Variants in DGKB observed in about 807,000 individuals in gnomAD.
The protein encoded by DGKB is 90 kDa diacylglycerol kinase.
A neutral mutation model predicts 114.3 loss-of-function variants in DGKB; 67 were observed. The observed-to-expected ratio is 0.59, with a 90% CI of 0.48 to 0.72. The LOEUF (loss-of-function observed/expected upper bound fraction) is 0.72. DGKB is among the 30% of genes least tolerant of loss of function. The probability of loss-of-function intolerance (pLI) is 0.00; values close to 1 mark genes in which losing one functional copy is unlikely to be tolerated. For synonymous variants in DGKB, 398 were observed against 323.1 expected (o/e 1.23, Z -2.49); for missense variants, 907 against 975.2 (o/e 0.93, Z 0.93).
At chr7:14,673,511 T>G (rs866412548) in intron 12 of DGKB, among the ~76,000 whole-genome samples, 33 of 151,812 alleles carry the variant, frequency 2.2e-4, no homozygotes, top group Non-Finnish European at 2.9e-4. Flanking sequence ...TAATTCAATA[T>G]GTAAATGTAA....
chr7:14,484,326 GT>G (rs1380059636), intron 20 of DGKB, among the ~76,000 whole-genome samples: 1 of 150,040 alleles, frequency 6.7e-6, no homozygotes, highest in Non-Finnish European at 1.5e-5. Context: ...TAGTGTAGAT[GT>G]TTTCCCCTCT....
At chr7:14,613,132 T>C (rs1805870118) in intron 16 of DGKB, among the ~76,000 whole-genome samples, 1 of 152,060 alleles carries the variant, frequency 6.6e-6, no homozygotes, top group Admixed American at 6.6e-5. Flanking sequence ...ACCTGAGCTA[T>C]AATAGTAAAA....
At chr7:14,782,608 C>T (rs1304279713) in intron 2 of DGKB, among the ~76,000 whole-genome samples, 1 of 151,864 alleles carries the variant, frequency 6.6e-6, no homozygotes, top group Admixed American at 6.6e-5. Context: ...AAATATTACA[C>T]CAATAATGAT....
At chr7:14,644,637 C>A (rs929287123) in intron 13 of DGKB, among the ~76,000 whole-genome samples, 6 of 151,898 alleles carry the variant, frequency 4.0e-5, no homozygotes, top group Admixed American at 1.3e-4. Flanking sequence ...TTTGAAGTAT[C>A]CTAGTCACAC....
intron 25 of DGKB, among the ~76,000 whole-genome samples, chr7:14,154,031 A>G (rs1782605050): frequency 6.6e-6 from 1 of 151,980 alleles, no homozygotes; most frequent in African/African-American, 2.4e-5. Context: ...TGAGCTAAGG[A>G]GACGAGTCAA....
intron 23 of DGKB, among the ~76,000 whole-genome samples, chr7:14,187,420 G>A (rs1020962830): frequency 6.6e-6 from 1 of 152,136 alleles, no homozygotes; most frequent in Non-Finnish European, 1.5e-5. Flanking sequence ...ACCATTGCAG[G>A]AATGCCTGGC....
chr7:14,824,453 G>A (rs1452745286), intron 2 of DGKB, among the ~76,000 whole-genome samples: 1 of 152,108 alleles, frequency 6.6e-6, no homozygotes, highest in African/African-American at 2.4e-5. Context: ...GACAGACTAA[G>A]CAAAAGAGAG....
rs74442643 is a variant in DGKB, at chr7:14,582,704, A to T, written c.1519+348T>A. Among the ~76,000 whole-genome samples the T allele has an allele frequency of 6.6e-3, 1,010 of 152,248 alleles. 16 individuals carry two copies. The highest frequency in any genetic ancestry group is 0.022 in the African/African-American group (894 of 41,566). ...GTCCATGTTTTAAAAACGTAAGCACATCAATTTCGCACAGACTTTATCACA... is the reference window on the plus strand; with the variant it reads ...GTCCATGTTTTAAAAACGTAAGCACTTCAATTTCGCACAGACTTTATCACA... On this transcript the variant is annotated intron_variant, in intron 18 of 25. Transcript: ENST00000402815.
intron 25 of DGKB, chr7:14,175,873 C>G (rs1016973275): frequency 6.6e-6 from 1 of 152,182 alleles, no homozygotes; most frequent in Non-Finnish European, 1.5e-5. Flanking sequence ...GGCACAATCT[C>G]AGCTCACTGC....
At chr7:14,759,984 C>A (rs1310528943) in intron 2 of DGKB, among the ~76,000 whole-genome samples, 1 of 152,150 alleles carries the variant, frequency 6.6e-6, no homozygotes, top group Admixed American at 6.6e-5. Context: ...CGACTCACAT[C>A]TGATTAGTCA....
intron 20 of DGKB, among the ~76,000 whole-genome samples, chr7:14,541,124 G>C (rs1236953209): frequency 2.0e-5 from 3 of 149,734 alleles, no homozygotes; most frequent in Non-Finnish European, 4.4e-5. Context: ...TTTTTTTCTA[G>C]ACACATTCAT....
chr7:14,843,764 G>A (rs943594065), intron 1 of DGKB, among the ~76,000 whole-genome samples: 1 of 152,208 alleles, frequency 6.6e-6, no homozygotes, highest in African/African-American at 2.4e-5. Context: ...CTTGCTGTCT[G>A]CCAGAAAGCT....
chr7:14,720,050 A>G (rs1280965395), intron 5 of DGKB, among the ~76,000 whole-genome samples: 1 of 152,108 alleles, frequency 6.6e-6, no homozygotes, highest in Non-Finnish European at 1.5e-5. Flanking sequence ...GCCAATCATA[A>G]AAGTGTAAGA....
At chr7:14,964,009 T>C (rs1023299768) in intron 1 of DGKB, among the ~76,000 whole-genome samples, 3 of 151,950 alleles carry the variant, frequency 2.0e-5, no homozygotes, top group Non-Finnish European at 4.4e-5. Flanking sequence ...TCAGAAAAAT[T>C]TGCAGTGGGA....
intron 23 of DGKB, among the ~76,000 whole-genome samples, chr7:14,334,916 A>G (rs1810400920): frequency 6.6e-6 from 1 of 152,214 alleles, no homozygotes; most frequent in South Asian, 2.1e-4. Context: ...TATATATAAT[A>G]CATTTATTTG....
chr7:14,640,300 T>A (rs1414174431), intron 13 of DGKB, among the ~76,000 whole-genome samples: 1 of 152,112 alleles, frequency 6.6e-6, no homozygotes, highest in African/African-American at 2.4e-5. Flanking sequence ...AGGCAGAGAA[T>A]ACTAGAATGA....
chr7:14,220,849 T>C lies in DGKB; in HGVS notation c.2123-42698A>G, dbSNP rs377249125. Among the ~76,000 whole-genome samples the C allele has an allele frequency of 6.6e-5, 10 of 151,640 alleles. No individual in the cohort carries two copies. The East Asian group carries it at 1.9e-3, about 29-fold the overall frequency. ...TTTTCTTTCTTTTAATTTTTTAAAA[T>C]TTTTAAAAATTTCTTTCAATGATGT... On this transcript the variant is annotated intron_variant, in intron 23 of 25. Transcript: ENST00000402815.
chr7:14,955,113 C>T (rs1324470807), intron 1 of DGKB, among the ~76,000 whole-genome samples: 1 of 151,696 alleles, frequency 6.6e-6, no homozygotes, highest in Non-Finnish European at 1.5e-5. Context: ...ATGGTGAGAC[C>T]AACACTATAA....
chr7:14,210,648 A>G (rs906073109), intron 23 of DGKB, among the ~76,000 whole-genome samples: 1 of 152,074 alleles, frequency 6.6e-6, no homozygotes, highest in African/African-American at 2.4e-5. Context: ...AGTCTCCGCA[A>G]CATCAAATCT....
Sources: gnomAD v4.1 joint callset for allele counts (sites outside exome capture counted in the v4.1 genomes callset) on GRCh38, gnomAD v4.1.1 for gene constraint, MANE v1.5 for transcripts, NCBI Gene and HGNC (gene_info 2026-07-23, HGNC 2026-07-21) for gene names.